The following PARD6G variants were observed in gnomAD, a reference collection of about 807,000 sequenced individuals.
PARD6G encodes the protein partitioning defective 6 homolog gamma.
Under a neutral mutation model 10.7 loss-of-function variants are expected in PARD6G, and 7 were observed. The ratio of observed to expected loss-of-function variants is 0.66; its 90% CI spans 0.37 to 1.23. PARD6G has a LOEUF of 1.23. Among genes scored for constraint, PARD6G ranks in the 50% most tolerant of loss-of-function variants. The probability of loss-of-function intolerance (pLI) is 0.02; values close to 1 mark genes in which losing one functional copy is unlikely to be tolerated. For missense variants in PARD6G, 548 were observed against 571.8 expected (o/e 0.96, Z 0.42); for synonymous variants, 287 against 269.4 (o/e 1.07, Z -0.64).
chr18:80,227,425 A>C (rs1020138497), intron 1 of PARD6G, among the ~76,000 whole-genome samples: 2 of 152,208 alleles, frequency 1.3e-5, no homozygotes, highest in Admixed American at 6.5e-5. Context: ...CATTTGCCAT[A>C]ATCTTCCCCC....
At chr18:80,193,151 G>T (rs1054655306) in intron 2 of PARD6G, among the ~76,000 whole-genome samples, 1 of 152,044 alleles carries the variant, frequency 6.6e-6, no homozygotes, top group Non-Finnish European at 1.5e-5. Context: ...ATCACAGAAG[G>T]CTCGCTCCTG....
rs367970579 is a variant in PARD6G at position 80,192,566 on chromosome 18, G to A, written c.295+10144C>T. ...GATGGGGGAGAGCAGGTGCCACGGC[G>A]GGAGCCTGAAGCTCCACAATTGCCA... On this transcript the variant is annotated intron_variant, in intron 2 of 2. Coordinates refer to ENST00000353265, the MANE Select transcript of PARD6G (RefSeq NM_032510.4). This position sits in a 1 kb window ranked among gnomAD's most constrained non-coding sequence, Gnocchi z 4.9. Among the ~76,000 whole-genome samples the A allele has an allele frequency of 2.0e-5, 3 of 152,208 alleles. No homozygotes were observed. The highest frequency in any genetic ancestry group is 2.9e-5 in the Non-Finnish European group (2 of 67,990).
rs1197788322 is a variant in PARD6G, at chr18:80,180,015, G to A, written c.296-19409C>T. Among the ~76,000 whole-genome samples, 1 of 152,256 alleles carries A rather than the reference G, an allele frequency of 6.6e-6. No individual in the cohort carries two copies. Among genetic ancestry groups the A allele is most frequent in the Non-Finnish European group, 1.5e-5 (1 of 68,048 alleles). ...TCTCACCTCTGTCTAGGGGGGCAGA[G>A]CCTGACGGGAACGCCCCATTGTGCC... On this transcript the variant is annotated intron_variant, in intron 2 of 2. Transcript: ENST00000353265. This position sits in a 1 kb window ranked among gnomAD's most constrained non-coding sequence, Gnocchi z 5.6.
chr18:80,234,391 G>T (rs1174901570), intron 1 of PARD6G, among the ~76,000 whole-genome samples: 1 of 152,126 alleles, frequency 6.6e-6, no homozygotes, highest in East Asian at 1.9e-4. Context: ...CAGCAGTAGG[G>T]ACCTTAAATT....
At position 80,181,484 on chromosome 18, in the gene PARD6G, C is replaced by T. The variant is rs566669968; in HGVS notation, c.296-20878G>A. Among the ~76,000 whole-genome samples, 44 of 152,296 alleles carry T rather than the reference C, an allele frequency of 2.9e-4. No individual in the cohort carries two copies. The highest frequency in any genetic ancestry group is 8.2e-4 in the African/African-American group (34 of 41,554). On this transcript the variant is annotated intron_variant, in intron 2 of 2. Transcript: ENST00000353265. The surrounding 1 kb of genome is among the most constrained non-coding windows in gnomAD (Gnocchi z 7.9). ...TCAAGAAGGCCTCATCTCCATACAG[C>T]GCTGCGGCCAGCTGGTGACAGGTCT...
At chr18:80,204,353 G>A (rs1264013081) in intron 1 of PARD6G, among the ~76,000 whole-genome samples, 1 of 152,110 alleles carries the variant, frequency 6.6e-6, no homozygotes, top group Non-Finnish European at 1.5e-5. Flanking sequence ...ATTTGACTGT[G>A]CTGAGGTACA....
intron 2 of PARD6G, among the ~76,000 whole-genome samples, chr18:80,197,963 C>G (rs1046534012): frequency 6.6e-6 from 1 of 152,134 alleles, no homozygotes; most frequent in Non-Finnish European, 1.5e-5. Flanking sequence ...ATGGGCACAG[C>G]GATACAGAGA....
rs962468108 is a variant in PARD6G at position 80,247,115 on chromosome 18, G to A, written c.72+162C>T. Among the ~76,000 whole-genome samples the A allele has an allele frequency of 6.6e-6, 1 of 152,072 alleles. No individual in the cohort carries two copies. The highest frequency in any genetic ancestry group is 1.9e-4 in the East Asian group (1 of 5,156). On this transcript the variant is annotated intron_variant, in intron 1 of 2. Coordinates refer to ENST00000353265, the MANE Select transcript of PARD6G (RefSeq NM_032510.4). This position sits in a 1 kb window ranked among gnomAD's most constrained non-coding sequence, Gnocchi z 4.2. ...CGCGGGGGGCGGGAAGGACGGCCGG[G>A]GTCCCCAGTGCGCGTCCCGCGGAGC... is the stretch of plus-strand genomic sequence containing the variant.
intron 2 of PARD6G, among the ~76,000 whole-genome samples, chr18:80,166,010 G>A (rs962737173): frequency 1.7e-4 from 26 of 152,218 alleles, no homozygotes; most frequent in Admixed American, 4.6e-4. Context: ...TCCAGACAGC[G>A]GAGGCTGCAG....
chr18:80,234,007 C>T (rs1319904660), intron 1 of PARD6G, among the ~76,000 whole-genome samples: 1 of 152,170 alleles, frequency 6.6e-6, no homozygotes, highest in Non-Finnish European at 1.5e-5. Flanking sequence ...AGCTGCCAAC[C>T]AGGCAACCCA....
intron 1 of PARD6G, among the ~76,000 whole-genome samples, chr18:80,230,598 G>A (rs1456080784): frequency 1.3e-5 from 2 of 152,188 alleles, no homozygotes; most frequent in African/African-American, 4.8e-5. Flanking sequence ...ACTGTGCAGG[G>A]TGACGGCTAA....
At chr18:80,170,103 CACAT>C (rs1169242177) in intron 2 of PARD6G, 3 of 152,210 alleles carry the variant, frequency 2.0e-5, no homozygotes, top group Admixed American at 2.0e-4. Context: ...AGCATGTAGA[CACAT>C]ACAAAAATAC....
chr18:80,186,385 AC>A (rs1568432064), intron 2 of PARD6G, among the ~76,000 whole-genome samples: 1 of 135,600 alleles, frequency 7.4e-6, no homozygotes, highest in Non-Finnish European at 1.5e-5. Context: ...ACATGCTCGC[AC>A]ACCCTCACAC....
intron 2 of PARD6G, among the ~76,000 whole-genome samples, chr18:80,190,149 T>C (rs1568433040): frequency 6.6e-6 from 1 of 152,218 alleles, no homozygotes; most frequent in Non-Finnish European, 1.5e-5. Flanking sequence ...ATAAGGGTCA[T>C]GTATCATATA....
chr18:80,214,974 A>G (rs1967148731), intron 1 of PARD6G, among the ~76,000 whole-genome samples: 1 of 152,004 alleles, frequency 6.6e-6, no homozygotes, highest in Admixed American at 6.6e-5. Flanking sequence ...GAGAAAAACC[A>G]TTCCTCTTGT....
intron 2 of PARD6G, among the ~76,000 whole-genome samples, chr18:80,167,681 C>T (rs906632542): frequency 3.3e-5 from 5 of 152,048 alleles, no homozygotes; most frequent in Admixed American, 1.3e-4. Context: ...GTAGGGAGGA[C>T]GACCATGGGA....
In PARD6G at chr18:80,180,982, AG is replaced by A; in HGVS notation, c.296-20377del. Among the ~76,000 whole-genome samples, 1 of 152,338 alleles carries A rather than the reference AG, an allele frequency of 6.6e-6. No individual in the cohort carries two copies. The highest frequency in any genetic ancestry group is 2.1e-4 in the South Asian group (1 of 4,830). On this transcript the variant is annotated intron_variant, in intron 2 of 2. Coordinates refer to ENST00000353265, the MANE Select transcript of PARD6G (RefSeq NM_032510.4). This position sits in a 1 kb window ranked among gnomAD's most constrained non-coding sequence, Gnocchi z 5.6. ...CCAGCGCAGAACGTCAGCAGTGCTG[AG>A]GGTAAGAACCCGGCCTCACACGCAC... is the stretch of plus-strand genomic sequence containing the variant.
intron 2 of PARD6G, among the ~76,000 whole-genome samples, chr18:80,186,837 G>A (rs1288409588): frequency 1.3e-5 from 2 of 152,140 alleles, no homozygotes; most frequent in African/African-American, 2.4e-5. Context: ...AGGAAGGGCT[G>A]GGCGGGGTGG....
chr18:80,174,171 C>T (rs2052794400), intron 2 of PARD6G, among the ~76,000 whole-genome samples: 1 of 152,318 alleles, frequency 6.6e-6, no homozygotes, highest in South Asian at 2.1e-4. Flanking sequence ...CACAGCCAAG[C>T]CTGTTCTTTC....
Sources: allele counts gnomAD v4.1 joint callset (sites outside exome capture counted in the v4.1 genomes callset), GRCh38; gene constraint gnomAD v4.1.1; non-coding constraint Gnocchi (gnomAD v3.1); transcripts MANE v1.5; gene names NCBI Gene and HGNC (gene_info 2026-07-23, HGNC 2026-07-21).